SETX: variants seen among roughly 807,000 people sequenced by gnomAD.
SETX encodes helicase senataxin.
SETX carries 90 observed loss-of-function variants against 227.2 expected under a neutral mutation model. That is an observed-to-expected ratio of 0.40 (90% confidence interval 0.33 to 0.47). The LOEUF (loss-of-function observed/expected upper bound fraction) is 0.47, where lower values mean the gene tolerates loss of function less well. SETX is among the 20% of genes least tolerant of loss of function. The pLI, the probability that SETX is intolerant of heterozygous loss-of-function variation, is 0.91. For synonymous variants in SETX, 1,210 were observed against 1,113.2 expected (o/e 1.09, Z -1.73); for missense variants, 3,052 against 3,181.5 (o/e 0.96, Z 0.98).
At chr9:132,297,559 T>C (rs1284007407) in intron 13 of SETX, among the ~76,000 whole-genome samples, 1 of 152,248 alleles carries the variant, frequency 6.6e-6, no homozygotes, top group African/African-American at 2.4e-5. Context: ...AGCCTTGGCC[T>C]CTGTTACTCA....
At chr9:132,304,693 G>T (rs1475760164) in intron 11 of SETX, among the ~76,000 whole-genome samples, 1 of 151,936 alleles carries the variant, frequency 6.6e-6, no homozygotes, top group Non-Finnish European at 1.5e-5. Context: ...ACCACAACCG[G>T]GAAGGAAAAG....
At chr9:132,300,243 G>A (rs1188906406) in intron 12 of SETX, among the ~76,000 whole-genome samples, 6 of 151,682 alleles carry the variant, frequency 4.0e-5, no homozygotes, top group African/African-American at 7.3e-5. Context: ...AACATACAAC[G>A]GATGGAAGTG....
intron 24 of SETX, 54 bp downstream of exon 24, chr9:132,271,653 CTAT>C (rs1842908457): frequency 7.1e-7 from 1 of 1,401,850 alleles, no homozygotes; most frequent in Non-Finnish European, 1.0e-6. Flanking sequence ...TAATCCTGAA[CTAT>C]AAACAAGCAA....
chr9:132,284,832 G>A (rs1038371411), intron 18 of SETX, among the ~76,000 whole-genome samples: 2 of 151,602 alleles, frequency 1.3e-5, no homozygotes, highest in South Asian at 2.1e-4. Context: ...GCTCATACAG[G>A]TGACTTTTTT....
At chr9:132,282,610 T>G (rs1843607540) in intron 19 of SETX, among the ~76,000 whole-genome samples, 1 of 152,190 alleles carries the variant, frequency 6.6e-6, no homozygotes, top group African/African-American at 2.4e-5. Flanking sequence ...ACTTTGTATT[T>G]GAGGTTCAGA....
chr9:132,330,041 A>G lies in SETX; in HGVS notation c.1557T>C (p.Ser519=). The change falls in exon 10 of 26, where the codon TCT becomes TCC. Residue 519 remains serine, a synonymous_variant. Transcript: ENST00000224140. ...GNCSKGTAMI[S]SLSLHSMPSN... ...ATGGCATGGAATGCAATGACAGTGA[A>G]GATATCATTGCTGTTCCTTTGGAGC... The G allele has an allele frequency of 6.2e-7, 1 of 1,614,124 alleles. No homozygotes were observed. The highest frequency in any genetic ancestry group is 8.5e-7 in the Non-Finnish European group (1 of 1,179,908).
At position 132,327,789 on chromosome 9, in the gene SETX, G is replaced by A. The variant is rs144334281; in HGVS notation, c.3809C>T (p.Pro1270Leu). ...AGGACACTGACGAAATTTCTTTGGC[G>A]GCACTATAGCAGGAGTTGTTCTACA... ...LSCRTTPAIVPPKKFRQCPEP... is the reference protein window; with the variant it reads ...LSCRTTPAIVLPKKFRQCPEP... Residue 1270 changes from proline (P) to leucine (L), a missense_variant, in exon 10 of 26, where the codon CCG (proline) becomes CTG (leucine). Around this residue, in one of 10 missense-constraint regions of SETX, gnomAD observed 1,483 missense variants for 1,312.0 expected, o/e 1.13. Coordinates refer to ENST00000224140, the MANE Select transcript of SETX (RefSeq NM_015046.7). 9.5e-4 allele frequency: 1,528 copies of A among 1,614,088 alleles called. 3 individuals carry two copies. The highest frequency in any genetic ancestry group is 7.8e-4 in the Non-Finnish European group (925 of 1,180,018).
At chr9:132,322,333 C>T (rs999187852) in intron 10 of SETX, among the ~76,000 whole-genome samples, 7 of 152,192 alleles carry the variant, frequency 4.6e-5, no homozygotes, top group South Asian at 4.2e-4. Context: ...TACCTAATTC[C>T]GCACCATTTC....
intron 15 of SETX, 83 bp from the exon 16 acceptor site, chr9:132,288,734 G>A (rs1039456077): frequency 1.3e-5 from 12 of 912,748 alleles, no homozygotes; most frequent in Non-Finnish European, 2.1e-5. Flanking sequence ...ATATTTCTAA[G>A]TAAATATGTT....
In SETX at chr9:132,262,205, A is replaced by G. The variant is rs897258220; in HGVS notation, c.*2034T>C. Reference sequence around the variant, plus strand: ...CAGGCATCAAACTTCACTGGAAATAATATTGTTCAGTGTGTGGCGGCAAAA... The same window carrying G: ...CAGGCATCAAACTTCACTGGAAATAGTATTGTTCAGTGTGTGGCGGCAAAA... On this transcript the variant is annotated 3_prime_UTR_variant, in exon 26 of 26. Transcript: ENST00000224140. The G allele has an allele frequency of 2.0e-5, 3 of 152,248 alleles. No individual in the cohort carries two copies. Among genetic ancestry groups the G allele is most frequent in the African/African-American group, 7.2e-5 (3 of 41,464 alleles). 9.4% of individuals were successfully genotyped at this position (152,248 alleles called of 1,614,324 possible).
chr9:132,354,017 C>T (rs1166156056), intron 1 of SETX, among the ~76,000 whole-genome samples: 1 of 152,194 alleles, frequency 6.6e-6, no homozygotes, highest in Non-Finnish European at 1.5e-5. Context: ...GCGCAGGTAA[C>T]ATCAATCCTA....
intron 10 of SETX, among the ~76,000 whole-genome samples, chr9:132,318,002 T>C (rs1187668614): frequency 6.6e-6 from 1 of 152,284 alleles, no homozygotes; most frequent in East Asian, 1.9e-4. Context: ...CTCTCCGAGA[T>C]CCTTATTACA....
chr9:132,333,053 A>G (rs965344292), intron 7 of SETX, among the ~76,000 whole-genome samples: 4 of 151,906 alleles, frequency 2.6e-5, no homozygotes, highest in Non-Finnish European at 5.9e-5. Flanking sequence ...TTGGCAAAAG[A>G]GTAATAGCCT....
chr9:132,347,068 A>G (rs2131561475), intron 3 of SETX, among the ~76,000 whole-genome samples: 1 of 152,080 alleles, frequency 6.6e-6, no homozygotes, highest in East Asian at 2.0e-4. Context: ...CACCCTGACC[A>G]ACACGGAGGA....
At chr9:132,342,648 A>C in intron 5 of SETX, 42 bp downstream of exon 5, 1 of 1,342,792 alleles carries the variant, frequency 7.4e-7, no homozygotes. Context: ...TATAGGTACA[A>C]AAGCACAATA....
Position 132,326,477 on chromosome 9 carries a change from T to C in SETX, c.5121A>G (p.Lys1707=). ...AGTTCAAAAACATTTCATATTTCCA[T>C]TTTAAGACCTCTTTAACGAAGGTGT... ...VSDTFVKEVL[K]WKYEMFLNFG... The change falls in exon 10 of 26, where the codon AAA becomes AAG. Residue 1707 remains lysine, a synonymous_variant. Transcript: ENST00000224140. 5 of 1,614,208 alleles carry C rather than the reference T, an allele frequency of 3.1e-6. No individual in the cohort carries two copies. The highest frequency in any genetic ancestry group is 4.2e-6 in the Non-Finnish European group (5 of 1,180,036).
At chr9:132,355,750 G>A (rs1848876706), upstream of SETX, among the ~76,000 whole-genome samples, 1 of 152,210 alleles carries the variant, frequency 6.6e-6, no homozygotes, top group African/African-American at 2.4e-5. Flanking sequence ...ACTTTGGGAG[G>A]CCGAGGCGGG....
rs1256537236 is a variant in SETX, at chr9:132,288,642, CCA to C, written c.6114_6115del (p.Cys2038TrpfsTer15). 3 of 1,609,894 alleles carry C rather than the reference CCA, an allele frequency of 1.9e-6. No homozygotes were observed. The highest frequency in any genetic ancestry group is 2.6e-6 in the Non-Finnish European group (3 of 1,176,412). ...ACCCAGTCGTACTAAATTTATATCT[CCA>C]CAGTTTCCTGTTGATAAGAATCACA... On this transcript the variant is annotated frameshift_variant, in exon 16 of 26. Coordinates refer to ENST00000224140, the MANE Select transcript of SETX (RefSeq NM_015046.7). LOFTEE classifies it high-confidence loss of function.
At chr9:132,302,916 C>A (rs372962059) in intron 11 of SETX, among the ~76,000 whole-genome samples, 1 of 152,052 alleles carries the variant, frequency 6.6e-6, no homozygotes. Flanking sequence ...ACTGATATTC[C>A]GACAAATATG....
Sources: allele counts gnomAD v4.1 joint callset (sites outside exome capture counted in the v4.1 genomes callset), GRCh38; gene constraint gnomAD v4.1.1; regional missense constraint gnomAD v4.1.1; transcripts MANE v1.5; gene names NCBI Gene and HGNC (gene_info 2026-07-23, HGNC 2026-07-21).